The following ASB4 variants were observed in gnomAD, a reference collection of about 807,000 sequenced individuals.
ASB4 encodes the protein ankyrin repeat and SOCS box protein 4.
Under a neutral mutation model 38.6 loss-of-function variants are expected in ASB4, and 35 were observed. That is an observed-to-expected ratio of 0.91 (90% CI 0.69 to 1.20). The LOEUF is 1.20. ASB4 is among the 50% of genes most tolerant of loss of function. ASB4 has a pLI of 0.00. For synonymous variants in ASB4, 195 were observed against 201.3 expected (o/e 0.97, Z 0.26); for missense variants, 557 against 527.2 (o/e 1.06, Z -0.55).
chr7:95,548,950 C>T, the ASB4 span, among the ~76,000 whole-genome samples: 1 of 152,092 alleles, frequency 6.6e-6, no homozygotes, highest in Non-Finnish European at 1.5e-5. Flanking sequence ...ATGCAATTGC[C>T]TAGGATCTCA....
At chr7:95,533,571 T>C (rs919683667) in intron 3 of ASB4, among the ~76,000 whole-genome samples, 21 of 152,226 alleles carry the variant, frequency 1.4e-4, no homozygotes, top group African/African-American at 5.1e-4. Context: ...CATGACCCCC[T>C]TGATAATCTC....
At chr7:95,485,917 G>A, upstream of ASB4, 1 of 1,528,472 alleles carries the variant, frequency 6.5e-7, no homozygotes, top group Non-Finnish European at 8.9e-7. Flanking sequence ...GCGCCTGTTT[G>A]CTCGGTGCTG....
chr7:95,528,610 A>T, intron 3 of ASB4: 1 of 1,361,134 alleles, frequency 7.3e-7, no homozygotes, highest in African/African-American at 1.5e-5. Flanking sequence ...AGAAAGGTGA[A>T]TAGTGTTAGA....
rs768418557 is a variant in ASB4, at chr7:95,536,431, C to T, written c.979-6C>T. On this transcript the variant is annotated splice_polypyrimidine_tract_variant and splice_region_variant and intron_variant, in intron 3 of 4. Transcript: ENST00000325885. ...AAACAGATGAAACTCTGTGCTTCCTCTGCAGGTGATACAGGCCTGCCATTC... is the reference window on the plus strand; with the variant it reads ...AAACAGATGAAACTCTGTGCTTCCTTTGCAGGTGATACAGGCCTGCCATTC... The T allele has an allele frequency of 6.4e-7, 1 of 1,574,770 alleles. No individual in the cohort carries two copies. Among genetic ancestry groups the T allele is most frequent in the Non-Finnish European group, 8.7e-7 (1 of 1,144,932 alleles).
upstream of ASB4, among the ~76,000 whole-genome samples, chr7:95,482,113 G>A (rs541237436): frequency 9.2e-5 from 14 of 152,288 alleles, no homozygotes; most frequent in South Asian, 2.9e-3. Flanking sequence ...CTTTGTAGGT[G>A]CAAATAATCT....
At chr7:95,481,370 AC>A (rs1219756453), upstream of ASB4, among the ~76,000 whole-genome samples, 2 of 152,092 alleles carry the variant, frequency 1.3e-5, no homozygotes, top group African/African-American at 2.4e-5. Flanking sequence ...GGAAAAAAAA[AC>A]AACAAGATGA....
At chr7:95,485,363 T>C (rs534841606), upstream of ASB4, among the ~76,000 whole-genome samples, 1 of 152,276 alleles carries the variant, frequency 6.6e-6, no homozygotes, top group East Asian at 1.9e-4. Context: ...AAAGAGTCCC[T>C]GCCCCGGACC....
upstream of ASB4, chr7:95,478,419 C>T (rs897440098): frequency 6.6e-6 from 1 of 152,096 alleles, no homozygotes; most frequent in South Asian, 2.1e-4. Flanking sequence ...CTGAAAAAAC[C>T]TTGTCTTTCA....
At chr7:95,515,417 T>C (rs1245163634) in intron 2 of ASB4, among the ~76,000 whole-genome samples, 2 of 110,746 alleles carry the variant, frequency 1.8e-5, no homozygotes, top group East Asian at 4.7e-4. Context: ...TTTTCCTTTC[T>C]CTCTCTCTTT....
chr7:95,511,029 A>G (rs146804728), intron 2 of ASB4, among the ~76,000 whole-genome samples: 1 of 152,348 alleles, frequency 6.6e-6, no homozygotes, highest in Non-Finnish European at 1.5e-5. Flanking sequence ...CTCTGTAAGT[A>G]ATAACTTATG....
At chr7:95,537,390 C>A (rs1013125943) in intron 4 of ASB4, among the ~76,000 whole-genome samples, 181 bp from the exon 5 acceptor site, 1 of 152,138 alleles carries the variant, frequency 6.6e-6, no homozygotes, top group Non-Finnish European at 1.5e-5. Context: ...TTCCCCTCCC[C>A]TTTCCTTGTA....
chr7:95,545,610 GTTTTGTTTTTGT>G, the ASB4 span, among the ~76,000 whole-genome samples: 1 of 151,482 alleles, frequency 6.6e-6, no homozygotes, highest in African/African-American at 2.4e-5. Context: ...CCTGGGTGTG[GTTTTGTTTTTGT>G]TTTTGTTTTG....
intron 2 of ASB4, among the ~76,000 whole-genome samples, chr7:95,524,347 A>T (rs1279292615): frequency 1.3e-5 from 2 of 152,232 alleles, no homozygotes; most frequent in Non-Finnish European, 2.9e-5. Context: ...CCAATACAAT[A>T]TTGAGTGAAA....
upstream of ASB4, among the ~76,000 whole-genome samples, chr7:95,484,593 C>A (rs1790058697): frequency 6.6e-6 from 1 of 152,108 alleles, no homozygotes; most frequent in Non-Finnish European, 1.5e-5. Flanking sequence ...TGATTTGCAT[C>A]ATTTACATGC....
chr7:95,549,969 G>A, the ASB4 span, among the ~76,000 whole-genome samples: 1 of 152,180 alleles, frequency 6.6e-6, no homozygotes, highest in South Asian at 2.1e-4. Context: ...CCCACAGGGT[G>A]AGTAATCATG....
chr7:95,529,280 G>T (rs760669595), intron 3 of ASB4, among the ~76,000 whole-genome samples: 8 of 152,132 alleles, frequency 5.3e-5, no homozygotes, highest in African/African-American at 7.2e-5. Context: ...CTATACTTAG[G>T]TTTCCCCCTT....
At chr7:95,522,672 G>A (rs1362964504) in intron 2 of ASB4, among the ~76,000 whole-genome samples, 1 of 152,114 alleles carries the variant, frequency 6.6e-6, no homozygotes, top group African/African-American at 2.4e-5. Context: ...TCCACACAAA[G>A]GCTTTTCAAG....
chr7:95,522,266 C>A (rs1585814416), intron 2 of ASB4, among the ~76,000 whole-genome samples: 1 of 152,044 alleles, frequency 6.6e-6, no homozygotes, highest in African/African-American at 2.4e-5. Flanking sequence ...TTTATTAGAA[C>A]TTTACCAATA....
chr7:95,524,748 A>G (rs2116639882), intron 2 of ASB4, among the ~76,000 whole-genome samples: 1 of 152,336 alleles, frequency 6.6e-6, no homozygotes, highest in South Asian at 2.1e-4. Context: ...TAAGATGACC[A>G]TGTGGAGACA....
Sources: allele counts gnomAD v4.1 joint callset (sites outside exome capture counted in the v4.1 genomes callset), GRCh38; gene constraint gnomAD v4.1.1; transcripts MANE v1.5; gene names NCBI Gene and HGNC (gene_info 2026-07-23, HGNC 2026-07-21).